Variants in ANKDD1A observed in about 807,000 individuals in gnomAD.
ANKDD1A encodes ankyrin repeat and death domain containing 1A.
A neutral mutation model predicts 63.5 loss-of-function variants in ANKDD1A; 59 were observed. The ratio of observed to expected loss-of-function variants is 0.93; its 90% CI spans 0.75 to 1.15. The LOEUF is 1.15. ANKDD1A is among the 50% of genes most tolerant of loss of function. The pLI is 0.00. For synonymous variants in ANKDD1A, 266 were observed against 263.9 expected, an observed-to-expected ratio of 1.01 and a Z score of -0.08; for missense variants, 632 against 656.4, an observed-to-expected ratio of 0.96 and a Z score of 0.41.
At chr15:64,939,981 ATT>A (rs1266110921) in intron 9 of ANKDD1A, among the ~76,000 whole-genome samples, 2 of 152,160 alleles carry the variant, frequency 1.3e-5, no homozygotes, top group Non-Finnish European at 2.9e-5. Flanking sequence ...TGAAGCAAAA[ATT>A]TGATTAATTG....
At chr15:64,954,839 T>C (rs1227082604) in intron 14 of ANKDD1A, among the ~76,000 whole-genome samples, 5 of 122,356 alleles carry the variant, frequency 4.1e-5, no homozygotes, top group African/African-American at 1.4e-4. Context: ...TGTTGTTCTT[T>C]CTTCTTCCTT....
intron 13 of ANKDD1A, among the ~76,000 whole-genome samples, chr15:64,947,982 AAGAG>A (rs904051284): frequency 2.0e-5 from 3 of 152,226 alleles, no homozygotes; most frequent in Non-Finnish European, 2.9e-5. Context: ...ATTGTAAAGG[AAGAG>A]AGAGACTTAT....
intron 11 of ANKDD1A, 43 bp from the exon 12 acceptor site, chr15:64,944,609 T>C: frequency 6.3e-7 from 1 of 1,582,882 alleles, no homozygotes; most frequent in Non-Finnish European, 8.6e-7. Context: ...TGTGTACCCC[T>C]CCTGTAGAAA....
intron 9 of ANKDD1A, among the ~76,000 whole-genome samples, chr15:64,935,511 T>G (rs529774687): frequency 1.7e-4 from 26 of 151,746 alleles, no homozygotes; most frequent in Non-Finnish European, 3.7e-4. Context: ...CCATCTCTAC[T>G]AAAAATACAA....
intron 1 of ANKDD1A, among the ~76,000 whole-genome samples, chr15:64,913,198 GA>G (rs2084945736): frequency 6.6e-6 from 1 of 152,106 alleles, no homozygotes; most frequent in Admixed American, 6.5e-5. Context: ...GACAGGAAGG[GA>G]CCTATACAGA....
Position 64,942,550 on chromosome 15 carries a change from G to T in ANKDD1A, c.951G>T (p.Val317=). The T allele has an allele frequency of 6.2e-7, 1 of 1,613,598 alleles. No homozygotes were observed. Among genetic ancestry groups the T allele is most frequent in the Non-Finnish European group, 8.5e-7 (1 of 1,179,764 alleles). ...TCCTCATCAACTCCGACAGTGACGT[G>T]AATGCCGTGGACAATGTAAGTGGCT... The part of the protein sequence containing the change: ...VRLLINSDSD[V]NAVDNRQQTP... The change falls in exon 10 of 15, where the codon GTG becomes GTT. Residue 317 remains valine, a synonymous_variant. Coordinates refer to ENST00000319580, the MANE Select transcript of ANKDD1A (RefSeq NM_182703.6).
intron 9 of ANKDD1A, among the ~76,000 whole-genome samples, chr15:64,935,151 C>CCAGGAAGTTGAGGCCA (rs1263572704): frequency 6.6e-6 from 1 of 151,318 alleles, no homozygotes; most frequent in African/African-American, 2.4e-5. Context: ...CTGCTTGAGC[C>CCAGGAAGTTGAGGCCA]CAGGAAGTTG....
At chr15:64,954,081 TTCTTC>T (rs2085373933) in intron 14 of ANKDD1A, among the ~76,000 whole-genome samples, 1 of 3,672 alleles carries the variant, frequency 2.7e-4, no homozygotes, top group Non-Finnish European at 1.9e-3. Flanking sequence ...TCCTCTTTTC[TTCTTC>T]TTTCTCCTCC....
At chr15:64,912,903 G>T (rs1489345556) in intron 1 of ANKDD1A, among the ~76,000 whole-genome samples, 1 of 152,248 alleles carries the variant, frequency 6.6e-6, no homozygotes, top group African/African-American at 2.4e-5. Flanking sequence ...GGCCTGCGAA[G>T]AATGTGTACC....
At chr15:64,936,157 T>C (rs1377891925) in intron 9 of ANKDD1A, among the ~76,000 whole-genome samples, 2 of 152,310 alleles carry the variant, frequency 1.3e-5, no homozygotes, top group East Asian at 3.9e-4. Flanking sequence ...AAACTTATTA[T>C]AAAAACAACA....
Position 64,952,010 on chromosome 15 carries a change from CATCTTCT to C in ANKDD1A, c.1483+2046_1483+2052del, listed in dbSNP as rs1044471961. ...TTCTTCTTTCTTTTCTTTCTTCTTC[CATCTTCT>C]ATCTTCTTTTTCTTCTTCTTTCCTC... On this transcript the variant is annotated intron_variant, in intron 14 of 14. Coordinates refer to ENST00000319580, the MANE Select transcript of ANKDD1A (RefSeq NM_182703.6). 1.4e-4 allele frequency among the ~76,000 whole-genome samples: 20 copies of C among 144,646 alleles called. No homozygotes were observed. The East Asian group carries it at 3.5e-3, about 25-fold the overall frequency. 94.9% of individuals were successfully genotyped at this position (144,646 alleles called of 152,430 possible).
At position 64,911,940 on chromosome 15, in the gene ANKDD1A, G is replaced by A. The variant is rs953666827; in HGVS notation, c.10G>A (p.Glu4Lys). The change falls in exon 1 of 15, where the codon GAG becomes AAG. Residue 4 changes from glutamate to lysine, a missense_variant. Physicochemically the swap from Glu to Lys is moderately conservative, Grantham distance 56. Transcript: ENST00000319580. MQE[E>K]LAWETDGLLP... is the part of the protein sequence containing the mutation. ...GCTGCGGAGCGGCAGGATGCAGGAG[G>A]AGCTGGCGTGGGAGACCGACGGCCG... 2 of 1,241,508 alleles carry A rather than the reference G, an allele frequency of 1.6e-6. No individual in the cohort carries two copies. Among genetic ancestry groups the A allele is most frequent in the Middle Eastern group, 2.6e-4 (1 of 3,838 alleles). The allele number at this position is 1,241,508 out of a possible 1,614,324, so 76.9% of individuals were successfully genotyped here. A position where few individuals can be genotyped will look rare whatever the true frequency, so the allele number is the denominator to read the frequency against.
intron 14 of ANKDD1A, among the ~76,000 whole-genome samples, chr15:64,951,681 T>A (rs1397212235): frequency 6.0e-5 from 2 of 33,368 alleles, no homozygotes; most frequent in African/African-American, 1.3e-4. Flanking sequence ...TCTTTCCTTC[T>A]TTCTTCTTCC....
In ANKDD1A at chr15:64,949,875, G is replaced by A. The variant is rs921339702; in HGVS notation, c.1386G>A (p.Met462Ile). ...GCTATCAGGAGCACGGCCACCGAAT[G>A]CTGCTCATTTGGCTGCATGGCGTGG... ...TRSYQEHGHR[M>I]LLIWLHGVAT... Residue 462 changes from methionine (M) to isoleucine (I), a missense_variant, in exon 14 of 15, where the codon ATG becomes ATA. Transcript: ENST00000319580. The A allele has an allele frequency of 6.2e-7, 1 of 1,604,804 alleles. No individual in the cohort carries two copies. Among genetic ancestry groups the A allele is most frequent in the Admixed American group, 1.7e-5 (1 of 60,026 alleles).
At chr15:64,934,481 G>A (rs2085111875) in intron 9 of ANKDD1A, among the ~76,000 whole-genome samples, 1 of 151,074 alleles carries the variant, frequency 6.6e-6, no homozygotes, top group Non-Finnish European at 1.5e-5. Flanking sequence ...TTATGCATTG[G>A]GGCTTTTTTT....
chr15:64,930,854 T>C lies in ANKDD1A; in HGVS notation c.603T>C (p.Gly201=). 6.2e-7 allele frequency: 1 copy of C among 1,613,094 alleles called. No homozygotes were observed. Among genetic ancestry groups the C allele is most frequent in the South Asian group, 1.1e-5 (1 of 90,902 alleles). ...EGNTALHLAA[G]RGHMAVLQRL... ...ACACTGCCCTTCATCTGGCTGCTGG[T>C]CGGGGCCATATGGCTGTGCTGCAGC... Residue 201 remains glycine, a synonymous_variant, in exon 7 of 15, where the codon GGT becomes GGC. Coordinates refer to ENST00000319580, the MANE Select transcript of ANKDD1A (RefSeq NM_182703.6).
rs193156673 is a variant in ANKDD1A, at chr15:64,943,479, C to T, written c.967-5C>T. On this transcript the variant is annotated splice_region_variant and splice_polypyrimidine_tract_variant and intron_variant, in intron 10 of 14. Coordinates refer to ENST00000319580, the MANE Select transcript of ANKDD1A (RefSeq NM_182703.6). ...ACTTACCTATTCCCTTGGCTTCTCC[C>T]CTAGAGGCAGCAGACGCCCCTTCAC... 10 of 1,614,130 alleles carry T rather than the reference C, an allele frequency of 6.2e-6. No individual in the cohort carries two copies. In the African/African-American group the frequency reaches 8.0e-5, roughly 13 times the overall value.
chr15:64,942,355 G>T, intron 9 of ANKDD1A, 112 bp from the exon 10 acceptor site: 1 of 723,754 alleles, frequency 1.4e-6, no homozygotes, highest in Non-Finnish European at 2.1e-6. Flanking sequence ...GAAGCTAAAA[G>T]GGCCAAACCC....
rs1296988228 is a variant in ANKDD1A at position 64,958,534 on chromosome 15, G to A, written c.*1346G>A. 1 of 152,142 alleles carries A rather than the reference G, an allele frequency of 6.6e-6. No homozygotes were observed. The highest frequency in any genetic ancestry group is 2.4e-5 in the African/African-American group (1 of 41,424). The allele number at this position is 152,142 out of a possible 1,614,324, so 9.4% of individuals were successfully genotyped here. A position where few individuals can be genotyped will look rare whatever the true frequency, so the allele number is the denominator to read the frequency against. ...AAAGTTATAAAAGGAAAAGAAAACA[G>A]AGGCTTTAAATTAAATCATCTATTC... On this transcript the variant is annotated 3_prime_UTR_variant, in exon 15 of 15. Coordinates refer to ENST00000319580, the MANE Select transcript of ANKDD1A (RefSeq NM_182703.6).
Sources: gnomAD v4.1 joint callset for allele counts (sites outside exome capture counted in the v4.1 genomes callset) on GRCh38, gnomAD v4.1.1 for gene constraint, MANE v1.5 for transcripts, NCBI Gene and HGNC (gene_info 2026-07-23, HGNC 2026-07-21) for gene names.